The following SERGEF variants were observed in gnomAD, a reference collection of about 807,000 sequenced individuals.
SERGEF encodes the protein secretion regulating guanine nucleotide exchange factor.
Under a neutral mutation model 50.0 loss-of-function variants are expected in SERGEF, and 51 were observed. The ratio of observed to expected loss-of-function variants is 1.02; its 90% CI spans 0.81 to 1.29. The LOEUF (loss-of-function observed/expected upper bound fraction) is 1.29, where lower values mean the gene tolerates loss of function less well. SERGEF is among the 50% of genes most tolerant of loss of function. SERGEF has a pLI of 0.00. For missense variants in SERGEF, 521 were observed against 557.0 expected (o/e 0.94, Z 0.65); for synonymous variants, 205 against 212.4 (o/e 0.97, Z 0.30).
intron 10 of SERGEF, among the ~76,000 whole-genome samples, chr11:17,873,397 T>C (rs1851182813): frequency 6.6e-6 from 1 of 152,186 alleles, no homozygotes. Context: ...CAAATTTGTA[T>C]CTGCCTCTAA....
At chr11:17,897,661 T>A (rs1308722093) in intron 9 of SERGEF, among the ~76,000 whole-genome samples, 1 of 152,230 alleles carries the variant, frequency 6.6e-6, no homozygotes, top group Non-Finnish European at 1.5e-5. Context: ...ATTTCATTAA[T>A]ATGAAACTCT....
chr11:17,987,759 G>A (rs1853630408), intron 8 of SERGEF, among the ~76,000 whole-genome samples: 1 of 152,192 alleles, frequency 6.6e-6, no homozygotes, highest in Admixed American at 6.5e-5. Context: ...AGAAACTTCT[G>A]AAATAAGAGT....
At chr11:17,983,467 T>C (rs1853531523) in intron 8 of SERGEF, among the ~76,000 whole-genome samples, 1 of 152,244 alleles carries the variant, frequency 6.6e-6, no homozygotes, top group African/African-American at 2.4e-5. Context: ...GGAGCTAATG[T>C]GTCTTTAAAA....
At chr11:17,868,325 C>A (rs1590166566) in intron 10 of SERGEF, among the ~76,000 whole-genome samples, 1 of 152,222 alleles carries the variant, frequency 6.6e-6, no homozygotes, top group Non-Finnish European at 1.5e-5. Flanking sequence ...ATCTCTAGGG[C>A]AGAGGCAAAA....
Position 17,888,350 on chromosome 11 carries a change from A to C in SERGEF, c.1012-10106T>G, listed in dbSNP as rs1851468492. On this transcript the variant is annotated intron_variant, in intron 9 of 10. Transcript: ENST00000265965. The surrounding 1 kb of genome is among the most constrained non-coding windows in gnomAD (Gnocchi z 4.1). ...AAGGGGGTCAGAATAACTCTTGAAC[A>C]CAGTACTTTGACTAAATAACTTCTG... 6.6e-6 allele frequency among the ~76,000 whole-genome samples: 1 copy of C among 152,244 alleles called. No individual in the cohort carries two copies. Among genetic ancestry groups the C allele is most frequent in the African/African-American group, 2.4e-5 (1 of 41,462 alleles).
chr11:17,980,178 T>C (rs1565221783), intron 8 of SERGEF, among the ~76,000 whole-genome samples: 1 of 152,132 alleles, frequency 6.6e-6, no homozygotes, highest in Non-Finnish European at 1.5e-5. Flanking sequence ...AACAAATATA[T>C]TTTGCAACTT....
chr11:17,866,181 A>G (rs1851019291), intron 10 of SERGEF, among the ~76,000 whole-genome samples: 1 of 152,200 alleles, frequency 6.6e-6, no homozygotes, highest in African/African-American at 2.4e-5. Context: ...TCTGAATAGC[A>G]CAAGCTAGAC....
chr11:17,811,666 T>G (rs937720249), intron 10 of SERGEF, among the ~76,000 whole-genome samples: 3 of 152,236 alleles, frequency 2.0e-5, no homozygotes, highest in African/African-American at 7.2e-5. Context: ...CCCCAGGCAC[T>G]GTGCTGGGCG....
chr11:17,954,620 C>T lies in SERGEF; in HGVS notation c.1011+4850G>A, dbSNP rs528667069. On this transcript the variant is annotated intron_variant, in intron 9 of 10. Transcript: ENST00000265965. Reference sequence around the variant, plus strand: ...CAAATGAGAGCTGATGGCATTTGGGCTTGACAATTACCCAATCTCTGGTTT... The same window carrying T: ...CAAATGAGAGCTGATGGCATTTGGGTTTGACAATTACCCAATCTCTGGTTT... 5.9e-5 allele frequency among the ~76,000 whole-genome samples: 9 copies of T among 152,320 alleles called. No homozygotes were observed. In the South Asian group the frequency reaches 1.7e-3, roughly 28 times the overall value.
chr11:17,798,446 G>T (rs187174019), intron 10 of SERGEF, among the ~76,000 whole-genome samples: 4 of 152,346 alleles, frequency 2.6e-5, no homozygotes. Context: ...AGCCAAGCTG[G>T]GACAGGCAGA....
In SERGEF at chr11:17,802,619, ACTC is replaced by A. The variant is rs562318751; in HGVS notation, c.1049-14209_1049-14207del. Among the ~76,000 whole-genome samples, 13 of 150,956 alleles carry A rather than the reference ACTC, an allele frequency of 8.6e-5. No individual in the cohort carries two copies. The South Asian group carries it at 1.5e-3, about 17-fold the overall frequency. On this transcript the variant is annotated intron_variant, in intron 10 of 10. Coordinates refer to ENST00000265965, the MANE Select transcript of SERGEF (RefSeq NM_012139.4). ...CTCGCGTCCTCACCTTTCCTAATCC[ACTC>A]CTCTTCAGCCACACTGGTCTCCTTG...
intron 6 of SERGEF, among the ~76,000 whole-genome samples, chr11:17,995,121 G>A (rs979440601): frequency 2.0e-5 from 3 of 152,120 alleles, no homozygotes; most frequent in African/African-American, 4.8e-5. Context: ...AGAGAGACAG[G>A]GGAAGAAGGG....
chr11:17,837,643 C>G (rs1008833047), intron 10 of SERGEF, among the ~76,000 whole-genome samples: 13 of 150,592 alleles, frequency 8.6e-5, no homozygotes, highest in Non-Finnish European at 1.3e-4. Context: ...GAACTATAAG[C>G]CAAGTAAACC....
At chr11:17,954,078 T>C (rs1347599886) in intron 9 of SERGEF, among the ~76,000 whole-genome samples, 2 of 152,160 alleles carry the variant, frequency 1.3e-5, no homozygotes, top group African/African-American at 4.8e-5. Flanking sequence ...AACTGAAAGG[T>C]TTGGCCTGCC....
At chr11:17,900,732 C>G (rs1450587590) in intron 9 of SERGEF, among the ~76,000 whole-genome samples, 10 of 152,088 alleles carry the variant, frequency 6.6e-5, no homozygotes, top group Admixed American at 5.9e-4. Flanking sequence ...GGTGCTCATA[C>G]CTGTAAGTAT....
At chr11:17,911,703 T>C (rs1340044124) in intron 9 of SERGEF, among the ~76,000 whole-genome samples, 3 of 152,026 alleles carry the variant, frequency 2.0e-5, no homozygotes, top group Non-Finnish European at 4.4e-5. Context: ...GCCCAGGCTG[T>C]TCTCAAACTT....
At chr11:17,862,834 A>G (rs1438705404) in intron 10 of SERGEF, among the ~76,000 whole-genome samples, 1 of 152,220 alleles carries the variant, frequency 6.6e-6, no homozygotes, top group Non-Finnish European at 1.5e-5. Flanking sequence ...AAAGCTGCCC[A>G]ATGTCACATG....
intron 4 of SERGEF, among the ~76,000 whole-genome samples, chr11:18,003,883 G>A (rs1412520347): frequency 6.6e-6 from 1 of 152,144 alleles, no homozygotes; most frequent in Non-Finnish European, 1.5e-5. Flanking sequence ...TCTAAAATAA[G>A]ATAATGATAT....
intron 8 of SERGEF, among the ~76,000 whole-genome samples, chr11:17,985,447 C>T (rs1260587343): frequency 3.3e-5 from 5 of 152,142 alleles, no homozygotes; most frequent in Non-Finnish European, 1.5e-5. Flanking sequence ...ATTAAAAGCA[C>T]CTCCAGCCAG....
Sources: gnomAD v4.1 joint callset for allele counts (sites outside exome capture counted in the v4.1 genomes callset) on GRCh38, gnomAD v4.1.1 for gene constraint, Gnocchi (gnomAD v3.1) non-coding constraint, MANE v1.5 for transcripts, NCBI Gene and HGNC (gene_info 2026-07-23, HGNC 2026-07-21) for gene names.